The following GLIS3 variants were observed in gnomAD, a reference collection of about 807,000 sequenced individuals.
GLIS3 encodes the protein GLIS family zinc finger 3.
GLIS3 carries 53 observed loss-of-function variants against 78.6 expected under a neutral mutation model. The observed-to-expected ratio is 0.67, with a 90% CI of 0.54 to 0.85. GLIS3 has a LOEUF of 0.85. Among genes scored for constraint, GLIS3 ranks in the 40% least tolerant of loss-of-function variants. The pLI is 0.00. For missense variants in GLIS3, 1,703 were observed against 1,231.1 expected (o/e 1.38, Z -5.74); for synonymous variants, 684 against 509.9 (o/e 1.34, Z -4.60).
chr9:4,453,814 C>G, the GLIS3 span, among the ~76,000 whole-genome samples: 4 of 151,528 alleles, frequency 2.6e-5, no homozygotes, highest in Non-Finnish European at 5.9e-5. Context: ...CACTTGGACA[C>G]AGGGTGGGGA....
intron 2 of GLIS3, among the ~76,000 whole-genome samples, chr9:4,278,291 C>T (rs1827210735): frequency 6.6e-6 from 1 of 152,324 alleles, no homozygotes; most frequent in Admixed American, 6.5e-5. Flanking sequence ...ACCCTTTCAG[C>T]CAGTTTTCCA....
At chr9:4,401,811 G>T in the GLIS3 span, among the ~76,000 whole-genome samples, 1 of 152,094 alleles carries the variant, frequency 6.6e-6, no homozygotes, top group East Asian at 1.9e-4. Flanking sequence ...GCCCAGGCTG[G>T]TGGCCTTGGG....
chr9:4,378,693 G>A, the GLIS3 span, among the ~76,000 whole-genome samples: 4 of 152,178 alleles, frequency 2.6e-5, no homozygotes, highest in Non-Finnish European at 5.9e-5. Context: ...TGTAGAGAAG[G>A]AAATCCTAAA....
chr9:4,121,329 G>A (rs1832161407), intron 3 of GLIS3, among the ~76,000 whole-genome samples: 1 of 152,122 alleles, frequency 6.6e-6, no homozygotes, highest in Non-Finnish European at 1.5e-5. Context: ...AGGCATCTGT[G>A]GGTGTTATAT....
the GLIS3 span, among the ~76,000 whole-genome samples, chr9:4,481,269 G>T: frequency 6.6e-6 from 1 of 152,190 alleles, no homozygotes; most frequent in African/African-American, 2.4e-5. Flanking sequence ...GGATCACCTG[G>T]GGTCAGGAGT....
Position 4,319,178 on chromosome 9 carries a change from T to C in GLIS3, n.265-8650A>G, listed in dbSNP as rs564468621. 2.6e-5 allele frequency among the ~76,000 whole-genome samples: 4 copies of C among 152,286 alleles called. No homozygotes were observed. The South Asian group carries it at 8.3e-4, about 32-fold the overall frequency. Reference sequence around the variant, plus strand: ...TCTGAATGAGAAAAAAATCACAAAATTGAATATTAATTGTATATTAGGTAA... The same window carrying C: ...TCTGAATGAGAAAAAAATCACAAAACTGAATATTAATTGTATATTAGGTAA... On this transcript the variant is annotated intron_variant and non_coding_transcript_variant, in intron 2 of 4. Coordinates refer to the GLIS3 transcript ENST00000471664.
At chr9:4,099,108 G>C (rs929059272) in intron 4 of GLIS3, among the ~76,000 whole-genome samples, 6 of 152,220 alleles carry the variant, frequency 3.9e-5, no homozygotes, top group African/African-American at 7.2e-5. Context: ...AAGAGGCATG[G>C]GCACCTGCAG....
chr9:4,118,106 G>T lies in GLIS3; in HGVS notation c.1372C>A (p.Pro458Thr). The T allele has an allele frequency of 1.9e-6, 3 of 1,552,940 alleles. No homozygotes were observed. Among genetic ancestry groups the T allele is most frequent in the East Asian group, 2.3e-5 (1 of 44,282 alleles). ...PLPPLPPPPGPPPPYHAHAHL... is the reference protein window; with the variant it reads ...PLPPLPPPPGTPPPYHAHAHL... ...GCATGGGCATGGTAAGGGGGTGGGG[G>T]GCCTGGGGGCGGCGGCAGAGGAGGG... The change falls in exon 4 of 11, where the codon CCC (proline) becomes ACC (threonine). Residue 458 changes from proline to threonine, a missense_variant. Pro to Thr is a conservative substitution (Grantham distance 38). Transcript: ENST00000381971. This position sits in a 1 kb window ranked among gnomAD's most constrained non-coding sequence, Gnocchi z 4.7.
chr9:4,232,030 G>A (rs542340474), intron 2 of GLIS3, among the ~76,000 whole-genome samples: 1 of 152,172 alleles, frequency 6.6e-6, no homozygotes, highest in South Asian at 2.1e-4. Context: ...CTTTGTATAG[G>A]ATTTGTATAA....
intron 7 of GLIS3, among the ~76,000 whole-genome samples, chr9:3,894,098 T>C (rs1404678949): frequency 1.3e-5 from 2 of 151,588 alleles, no homozygotes; most frequent in African/African-American, 4.9e-5. Flanking sequence ...TAAATCCCTT[T>C]TGTGCCCCCA....
At chr9:4,216,934 G>C (rs1407782759) in intron 2 of GLIS3, among the ~76,000 whole-genome samples, 1 of 152,184 alleles carries the variant, frequency 6.6e-6, no homozygotes, top group Non-Finnish European at 1.5e-5. Context: ...AATAGCCTAA[G>C]AGCACAGAGG....
At chr9:4,427,665 C>T in the GLIS3 span, among the ~76,000 whole-genome samples, 6 of 151,926 alleles carry the variant, frequency 3.9e-5, 1 homozygote, top group Admixed American at 2.0e-4. Flanking sequence ...TTGAGACCAA[C>T]CAGGTCAACA....
chr9:3,852,154 A>G (rs1819474971), intron 9 of GLIS3, among the ~76,000 whole-genome samples: 1 of 152,140 alleles, frequency 6.6e-6, no homozygotes, highest in African/African-American at 2.4e-5. Flanking sequence ...CAAAAGAAAA[A>G]AAAAAAAAGA....
At chr9:4,024,218 G>C (rs574327004) in intron 4 of GLIS3, among the ~76,000 whole-genome samples, 1 of 152,102 alleles carries the variant, frequency 6.6e-6, no homozygotes, top group Non-Finnish European at 1.5e-5. Context: ...TGTTCAGACC[G>C]AGACTGTACA....
intron 4 of GLIS3, among the ~76,000 whole-genome samples, chr9:3,961,465 A>C (rs1817547362): frequency 6.6e-6 from 1 of 152,248 alleles, no homozygotes; most frequent in Non-Finnish European, 1.5e-5. Context: ...AGGTGGAATT[A>C]AACATGTCAT....
chr9:4,302,518 G>C (rs1477375768), upstream of GLIS3, among the ~76,000 whole-genome samples: 1 of 152,238 alleles, frequency 6.6e-6, no homozygotes, highest in Admixed American at 6.5e-5. Flanking sequence ...CAGTGTCTTA[G>C]TTGTAGCAAA....
In GLIS3 at chr9:3,944,640, T is replaced by C. The variant is rs542745561; in HGVS notation, c.1711-7451A>G. ...GTGAATACATATCCATAAGAGCATG[T>C]ATACTTCAGGGGTTGACAGACAGCA... On this transcript the variant is annotated intron_variant, in intron 4 of 10. Transcript: ENST00000381971. 2.6e-5 allele frequency among the ~76,000 whole-genome samples: 4 copies of C among 152,350 alleles called. No individual in the cohort carries two copies. In the East Asian group the frequency reaches 5.8e-4, roughly 22 times the overall value.
chr9:4,468,880 T>C, the GLIS3 span, among the ~76,000 whole-genome samples: 1 of 152,200 alleles, frequency 6.6e-6, no homozygotes, highest in Non-Finnish European at 1.5e-5. Flanking sequence ...GTGTGCTGTA[T>C]TCAGGAGACT....
chr9:4,167,369 A>G (rs764561627), intron 2 of GLIS3, among the ~76,000 whole-genome samples: 2 of 152,210 alleles, frequency 1.3e-5, no homozygotes, highest in Admixed American at 1.3e-4. Flanking sequence ...AAAGGCTCAG[A>G]GGACAAACAG....
Sources: gnomAD v4.1 joint callset for allele counts (sites outside exome capture counted in the v4.1 genomes callset) on GRCh38, gnomAD v4.1.1 for gene constraint, Gnocchi (gnomAD v3.1) non-coding constraint, MANE v1.5 for transcripts, NCBI Gene and HGNC (gene_info 2026-07-23, HGNC 2026-07-21) for gene names.